Variants in EXT2 observed in about 807,000 individuals in gnomAD.
EXT2 encodes exostosin-2.
In EXT2, 53 loss-of-function variants were observed where a neutral mutation model predicts 81.6. That is an observed-to-expected ratio of 0.65 (90% CI 0.52 to 0.82). The LOEUF (loss-of-function observed/expected upper bound fraction) is 0.82. EXT2 is among the 40% of genes least tolerant of loss of function. The probability of loss-of-function intolerance (pLI) is 0.00; values close to 1 mark genes in which losing one functional copy is unlikely to be tolerated. For missense variants in EXT2, 774 were observed against 910.2 expected (o/e 0.85, Z 1.93); for synonymous variants, 320 against 340.0 (o/e 0.94, Z 0.65).
At chr11:44,180,389 A>G (rs2135147430) in intron 8 of EXT2, among the ~76,000 whole-genome samples, 1 of 152,290 alleles carries the variant, frequency 6.6e-6, no homozygotes, top group Non-Finnish European at 1.5e-5. Context: ...AAAGTTGTAA[A>G]CAAGGATTTT....
chr11:44,241,659 C>T (rs1286145868), intron 13 of EXT2, among the ~76,000 whole-genome samples: 1 of 152,168 alleles, frequency 6.6e-6, no homozygotes, highest in African/African-American at 2.4e-5. Flanking sequence ...GTTCTTTCTT[C>T]CCCAGACACC....
intron 3 of EXT2, among the ~76,000 whole-genome samples, chr11:44,113,059 G>A (rs557209112): frequency 1.3e-5 from 2 of 152,306 alleles, no homozygotes; most frequent in East Asian, 3.9e-4. Context: ...AAATAAGACC[G>A]TATGTTGGTA....
At chr11:44,229,254 C>T (rs1047534260) in intron 10 of EXT2, among the ~76,000 whole-genome samples, 8 of 152,190 alleles carry the variant, frequency 5.3e-5, no homozygotes, top group African/African-American at 9.6e-5. Context: ...TGTTGCTGCT[C>T]TGGGCTCTAT....
chr11:44,126,011 T>A (rs894887005), intron 5 of EXT2, among the ~76,000 whole-genome samples: 2 of 152,228 alleles, frequency 1.3e-5, no homozygotes, highest in African/African-American at 4.8e-5. Flanking sequence ...ACTTTCCTTT[T>A]CTCTAGCTTT....
At chr11:44,125,403 A>G (rs1406976641) in intron 5 of EXT2, among the ~76,000 whole-genome samples, 1 of 151,992 alleles carries the variant, frequency 6.6e-6, no homozygotes, top group African/African-American at 2.4e-5. Context: ...TTTCCCTGGG[A>G]GTGGAGGGGT....
chr11:44,232,486 T>G lies in EXT2; in HGVS notation c.1796T>G (p.Phe599Cys). ...TCCATGGTGCTCACTGGGGCAGCTT[T>G]TTATCACAAGGTAAGGGGGCGCAGT... ...EVSMVLTGAA[F>C]YHKYFNYLYT... The change falls in exon 11 of 14, where the codon TTT becomes TGT. Residue 599 changes from phenylalanine to cysteine, a missense_variant. By Grantham distance (205) the Phe-to-Cys change is radical. Transcript: ENST00000533608. 1 of 1,613,936 alleles carries G rather than the reference T, an allele frequency of 6.2e-7. No homozygotes were observed. The highest frequency in any genetic ancestry group is 1.1e-5 in the South Asian group (1 of 91,066).
chr11:44,124,612 T>C (rs745519230), intron 4 of EXT2, among the ~76,000 whole-genome samples, 177 bp from the exon 5 acceptor site: 2 of 152,132 alleles, frequency 1.3e-5, no homozygotes, highest in South Asian at 2.1e-4. Flanking sequence ...TCTTACTTTC[T>C]CACAATATAT....
chr11:44,224,082 T>C, intron 10 of EXT2, among the ~76,000 whole-genome samples: 1 of 152,200 alleles, frequency 6.6e-6, no homozygotes, highest in East Asian at 1.9e-4. Flanking sequence ...TGGGGGAAAC[T>C]GGGTAAAGCG....
intron 7 of EXT2, among the ~76,000 whole-genome samples, chr11:44,132,852 C>T (rs1954513649): frequency 6.6e-6 from 1 of 152,252 alleles, no homozygotes; most frequent in South Asian, 2.1e-4. Context: ...ACTAGTCCCA[C>T]TCCCCTTTCT....
intron 4 of EXT2, among the ~76,000 whole-genome samples, chr11:44,121,575 C>T (rs908214032): frequency 6.6e-6 from 1 of 151,974 alleles, no homozygotes; most frequent in African/African-American, 2.4e-5. Flanking sequence ...CTGTTGCCCC[C>T]CTGCCCCCAC....
chr11:44,235,995 G>T (rs969780158), intron 12 of EXT2, among the ~76,000 whole-genome samples: 4 of 152,136 alleles, frequency 2.6e-5, no homozygotes, highest in African/African-American at 9.7e-5. Context: ...TTTATACAAG[G>T]ACCTTGGCAG....
intron 7 of EXT2, among the ~76,000 whole-genome samples, chr11:44,148,823 G>A (rs1468535250): frequency 6.6e-6 from 1 of 152,106 alleles, no homozygotes; most frequent in Non-Finnish European, 1.5e-5. Context: ...TAGTGATGAT[G>A]GTGAGCATCG....
intron 1 of EXT2, among the ~76,000 whole-genome samples, chr11:44,096,773 A>G (rs1334700995): frequency 6.6e-6 from 1 of 152,254 alleles, no homozygotes; most frequent in African/African-American, 2.4e-5. Flanking sequence ...TGATTGGGCA[A>G]TGCTAATCTA....
rs554539399 is a variant in EXT2 at position 44,153,569 on chromosome 11, G to A, written c.1174-18042G>A. 3.9e-5 allele frequency among the ~76,000 whole-genome samples: 6 copies of A among 152,164 alleles called. No individual in the cohort carries two copies. In the South Asian group the frequency reaches 1.2e-3, roughly 32 times the overall value. On this transcript the variant is annotated intron_variant, in intron 7 of 13. Transcript: ENST00000533608. ...AGTATGGTGTTGAAAAGGAGTGTGA[G>A]AGGGGACATCTTTGCCTTGTTGCTG...
rs182886291 is a variant in EXT2, at chr11:44,217,175, A to G, written c.1662+10216A>G. On this transcript the variant is annotated intron_variant, in intron 10 of 13. Coordinates refer to ENST00000533608, the MANE Select transcript of EXT2 (RefSeq NM_207122.2). ...CAGGCTTTATTGCTGAGAAAACTGA[A>G]GTGCACAGAGGTTAAGTTACTTCTT... Among the ~76,000 whole-genome samples, 11 of 151,886 alleles carry G rather than the reference A, an allele frequency of 7.2e-5. No homozygotes were observed. In the East Asian group the frequency reaches 2.1e-3, roughly 29 times the overall value.
intron 10 of EXT2, among the ~76,000 whole-genome samples, chr11:44,209,663 T>C (rs1279713780): frequency 6.6e-6 from 1 of 152,210 alleles, no homozygotes; most frequent in Non-Finnish European, 1.5e-5. Flanking sequence ...TACTATTTTG[T>C]GGTGTTATCA....
chr11:44,136,450 C>G (rs1954568826), intron 7 of EXT2, among the ~76,000 whole-genome samples: 1 of 152,184 alleles, frequency 6.6e-6, no homozygotes, highest in Admixed American at 6.5e-5. Flanking sequence ...AGCTGTGTGG[C>G]CTGGATTGAG....
At position 44,209,337 on chromosome 11, in the gene EXT2, C is replaced by T. The variant is rs756352489; in HGVS notation, c.1662+2378C>T. ...CCTGTGTGATAGACAGTAGATTTTA[C>T]ACTTTACAGATGCCATGTTAGCTGC... On this transcript the variant is annotated intron_variant, in intron 10 of 13. Coordinates refer to ENST00000533608, the MANE Select transcript of EXT2 (RefSeq NM_207122.2). 8.3e-4 allele frequency among the ~76,000 whole-genome samples: 126 copies of T among 152,130 alleles called. 2 individuals are homozygous for T. The highest frequency in any genetic ancestry group is 2.5e-4 in the Non-Finnish European group (17 of 68,014).
intron 1 of EXT2, among the ~76,000 whole-genome samples, chr11:44,097,625 C>G (rs1232356590): frequency 2.1e-4 from 32 of 151,944 alleles, no homozygotes; most frequent in Non-Finnish European, 2.9e-5. Flanking sequence ...CTTGTCTCTA[C>G]TAAAAATACA....
Sources: allele counts gnomAD v4.1 joint callset (sites outside exome capture counted in the v4.1 genomes callset), GRCh38; gene constraint gnomAD v4.1.1; transcripts MANE v1.5; gene names NCBI Gene and HGNC (gene_info 2026-07-23, HGNC 2026-07-21).